The following SNTG1 variants were observed in gnomAD, a reference collection of about 807,000 sequenced individuals.
SNTG1 encodes the protein syntrophin gamma 1.
Under a neutral mutation model 74.7 loss-of-function variants are expected in SNTG1, and 39 were observed. The observed-to-expected ratio is 0.52, with a 90% CI of 0.40 to 0.68. SNTG1 has a LOEUF of 0.68. SNTG1 is among the 30% of genes least tolerant of loss of function. SNTG1 has a pLI of 0.00. For synonymous variants in SNTG1, 254 were observed against 217.1 expected (o/e 1.17, Z -1.49); for missense variants, 685 against 609.5 (o/e 1.12, Z -1.30).
chr8:50,767,029 G>A (rs138162699), intron 18 of SNTG1, among the ~76,000 whole-genome samples: 33 of 152,058 alleles, frequency 2.2e-4, no homozygotes, highest in African/African-American at 7.7e-4. Context: ...GTGGTTAAAT[G>A]TGGAGGCTGT....
chr8:50,083,519 A>G (rs539214573), intron 1 of SNTG1, among the ~76,000 whole-genome samples: 9 of 152,362 alleles, frequency 5.9e-5, no homozygotes, highest in African/African-American at 2.2e-4. Flanking sequence ...AAGCAACTGG[A>G]AATCTGTGAA....
intron 1 of SNTG1, among the ~76,000 whole-genome samples, chr8:50,138,180 C>T (rs140873576): frequency 1.1e-3 from 174 of 152,112 alleles, no homozygotes; most frequent in Middle Eastern, 0.01. Context: ...AACGACGTCA[C>T]GGCAAGACAC....
At chr8:50,081,975 G>C (rs1822456247) in intron 1 of SNTG1, among the ~76,000 whole-genome samples, 1 of 152,066 alleles carries the variant, frequency 6.6e-6, no homozygotes. Context: ...CATTAGACTG[G>C]AAAATTAATT....
chr8:50,072,210 T>C (rs1002279076), intron 1 of SNTG1, among the ~76,000 whole-genome samples: 7 of 152,218 alleles, frequency 4.6e-5, no homozygotes, highest in Non-Finnish European at 1.0e-4. Context: ...TGAAGTATGA[T>C]GGTTCACTGT....
At chr8:50,730,528 G>T (rs574538434) in intron 17 of SNTG1, among the ~76,000 whole-genome samples, 1 of 152,240 alleles carries the variant, frequency 6.6e-6, no homozygotes, top group Admixed American at 6.5e-5. Flanking sequence ...AAAGATTATA[G>T]GAGCAAATGG....
At chr8:50,557,077 C>A (rs2094459916) in intron 12 of SNTG1, among the ~76,000 whole-genome samples, 2 of 152,002 alleles carry the variant, frequency 1.3e-5, no homozygotes, top group Non-Finnish European at 2.9e-5. Flanking sequence ...CTTATTATAA[C>A]CTTGGGCCCT....
chr8:49,916,479 C>A (rs971150172), intron 1 of SNTG1, among the ~76,000 whole-genome samples: 2 of 151,870 alleles, frequency 1.3e-5, no homozygotes, highest in Non-Finnish European at 2.9e-5. Flanking sequence ...TGAATACTTG[C>A]TTATTATCAC....
chr8:50,592,315 T>G (rs2094696951), intron 13 of SNTG1, among the ~76,000 whole-genome samples: 1 of 152,202 alleles, frequency 6.6e-6, no homozygotes, highest in Admixed American at 6.5e-5. Context: ...TGGTGAATTA[T>G]TTTTTAATTT....
At chr8:50,498,761 T>A (rs1388622510) in intron 8 of SNTG1, among the ~76,000 whole-genome samples, 1 of 151,894 alleles carries the variant, frequency 6.6e-6, no homozygotes, top group Non-Finnish European at 1.5e-5. Flanking sequence ...GAGTTAGTAT[T>A]AGTATGTCGT....
At chr8:50,499,610 C>T (rs2093933737) in intron 8 of SNTG1, among the ~76,000 whole-genome samples, 1 of 151,516 alleles carries the variant, frequency 6.6e-6, no homozygotes, top group Admixed American at 6.6e-5. Flanking sequence ...TTTTTCTAAA[C>T]TTAGGTCGTT....
At chr8:50,056,723 G>A (rs1468586870) in intron 1 of SNTG1, among the ~76,000 whole-genome samples, 1 of 152,190 alleles carries the variant, frequency 6.6e-6, no homozygotes, top group Admixed American at 6.5e-5. Context: ...CTGGTGCAAA[G>A]CACCATCAGT....
At chr8:49,951,486 A>AT (rs965008572) in intron 1 of SNTG1, among the ~76,000 whole-genome samples, 1 of 152,050 alleles carries the variant, frequency 6.6e-6, no homozygotes, top group African/African-American at 2.4e-5. Flanking sequence ...GGGAAACCTG[A>AT]TTCCTTAGAA....
chr8:50,502,684 A>G, intron 8 of SNTG1, 94 bp from the exon 9 acceptor site: 1 of 969,938 alleles, frequency 1.0e-6, no homozygotes, highest in South Asian at 1.7e-5. Flanking sequence ...GGAAAAATGG[A>G]AGGTGGAAGA....
At chr8:50,268,630 C>A in intron 2 of SNTG1, among the ~76,000 whole-genome samples, 1 of 151,158 alleles carries the variant, frequency 6.6e-6, no homozygotes, top group South Asian at 2.1e-4. Flanking sequence ...CCTAAGAATA[C>A]GTATACATAC....
intron 2 of SNTG1, among the ~76,000 whole-genome samples, chr8:50,183,394 T>C (rs2083276163): frequency 6.6e-6 from 1 of 152,204 alleles, no homozygotes; most frequent in African/African-American, 2.4e-5. Context: ...CCTGTGACTG[T>C]ACCGTCTCCA....
chr8:50,472,106 T>C lies in SNTG1; in HGVS notation c.363+21377T>C, dbSNP rs2093658490. Among the ~76,000 whole-genome samples, 3 of 152,282 alleles carry C rather than the reference T, an allele frequency of 2.0e-5. 1 individual carries two copies. The South Asian group carries it at 6.2e-4, about 32-fold the overall frequency. On this transcript the variant is annotated intron_variant, in intron 8 of 18. Coordinates refer to ENST00000642720, the MANE Select transcript of SNTG1 (RefSeq NM_018967.5). The stretch of plus-strand genomic sequence containing the variant: ...TGGACTGGGAGAGAATTTTTATTAA[T>C]ACATCAGAACTACCCATTGTAATTT...
rs949070080 is a variant in SNTG1 at position 50,339,533 on chromosome 8, A to G, written c.-27-54679A>G. On this transcript the variant is annotated intron_variant, in intron 2 of 18. Coordinates refer to ENST00000642720, the MANE Select transcript of SNTG1 (RefSeq NM_018967.5). Reference sequence around the variant, plus strand: ...AAGGTGAGGTTTTGAATATTCTACTATAAACCACATGCATTATCCATGAAG... The same window carrying G: ...AAGGTGAGGTTTTGAATATTCTACTGTAAACCACATGCATTATCCATGAAG... Among the ~76,000 whole-genome samples the G allele has an allele frequency of 3.9e-5, 6 of 152,142 alleles. No individual in the cohort carries two copies. The South Asian group carries it at 1.2e-3, about 32-fold the overall frequency.
intron 4 of SNTG1, among the ~76,000 whole-genome samples, chr8:50,405,228 T>C (rs2092857547): frequency 6.6e-6 from 1 of 152,134 alleles, no homozygotes; most frequent in South Asian, 2.1e-4. Context: ...ACTGCCGTAC[T>C]CTTTTCCACA....
rs375563889 is a variant in SNTG1, at chr8:50,164,279, T to C, written c.-102-8282T>C. The C allele has an allele frequency of 2.6e-5, 4 of 152,274 alleles. No homozygotes were observed. In the South Asian group the frequency reaches 8.3e-4, roughly 32 times the overall value. 9.4% of individuals were successfully genotyped at this position (152,274 alleles called of 1,614,324 possible). On this transcript the variant is annotated intron_variant, in intron 1 of 18. Transcript: ENST00000642720. Reference sequence around the variant, plus strand: ...CTTTGCCATGGCTGGTACAGCGTGATGCACAGTTACAAAGAACTTTGCGTA... The same window carrying C: ...CTTTGCCATGGCTGGTACAGCGTGACGCACAGTTACAAAGAACTTTGCGTA...
Sources: gnomAD v4.1 joint callset for allele counts (sites outside exome capture counted in the v4.1 genomes callset) on GRCh38, gnomAD v4.1.1 for gene constraint, MANE v1.5 for transcripts, NCBI Gene and HGNC (gene_info 2026-07-23, HGNC 2026-07-21) for gene names.